Variants in CFAP70 observed in about 807,000 individuals in gnomAD.
CFAP70 encodes cilia- and flagella-associated protein 70.
In CFAP70, 81 loss-of-function variants were observed where a neutral mutation model predicts 137.6. The ratio of observed to expected loss-of-function variants is 0.59; its 90% confidence interval spans 0.49 to 0.71. CFAP70 has a LOEUF of 0.71. Ranked by LOEUF, CFAP70 falls within the 30% of genes least tolerant of loss-of-function variation. The probability of loss-of-function intolerance (pLI) is 0.00; values close to 1 mark genes in which losing one functional copy is unlikely to be tolerated. For synonymous variants in CFAP70, 382 were observed against 423.6 expected (o/e 0.90, Z 1.20); for missense variants, 976 against 1,226.7 (o/e 0.80, Z 3.05).
exon 17 of CFAP70, chr10:73,291,894 T>G (rs1181713984): frequency 6.2e-7 from 1 of 1,614,200 alleles, no homozygotes; most frequent in East Asian, 2.2e-5. Context: ...TGGATATGAC[T>G]CTGGTTGAGG....
chr10:73,256,487 A>C (rs1161990424), intron 25 of CFAP70, 71 bp from the exon 27 acceptor site: 16 of 1,536,348 alleles, frequency 1.0e-5, no homozygotes, highest in Non-Finnish European at 1.3e-5. Flanking sequence ...ACATTGCCTC[A>C]GCTAAGGCAG....
chr10:73,356,338 A>G (rs2054676348), intron 1 of CFAP70, among the ~76,000 whole-genome samples: 1 of 151,832 alleles, frequency 6.6e-6, no homozygotes, highest in Non-Finnish European at 1.5e-5. Flanking sequence ...AGCTGGGACT[A>G]CAGGCATGCG....
At position 73,348,626 on chromosome 10, in the gene CFAP70, AT is replaced by A. The variant is rs1228948929; in HGVS notation, c.251-106del. 92 of 766,628 alleles carry A rather than the reference AT, an allele frequency of 1.2e-4. No individual in the cohort carries two copies. In the African/African-American group the frequency reaches 1.3e-3, roughly 11 times the overall value. The allele number at this position is 766,628 out of a possible 1,614,324, so 47.5% of individuals were successfully genotyped here. ...TCAAAGATATGTAAGTTAAAAAAAA[AT>A]AAACTTGAAAGTACAGAAGGCACCA... On this transcript the variant is annotated intron_variant, in intron 3 of 26. Transcript: ENST00000310715.
intron 8 of CFAP70, among the ~76,000 whole-genome samples, chr10:73,329,698 G>A (rs1483171101): frequency 6.6e-6 from 1 of 152,118 alleles, no homozygotes; most frequent in African/African-American, 2.4e-5. Flanking sequence ...CAGAAGCTAT[G>A]GCTTTTACCT....
At chr10:73,304,273 C>A (rs969709020) in intron 12 of CFAP70, among the ~76,000 whole-genome samples, 1 of 152,066 alleles carries the variant, frequency 6.6e-6, no homozygotes, top group South Asian at 2.1e-4. Context: ...AGGCTGGTGT[C>A]GAACTCCTGA....
At chr10:73,321,666 T>C (rs755825251) in intron 9 of CFAP70, among the ~76,000 whole-genome samples, 13 of 152,188 alleles carry the variant, frequency 8.5e-5, no homozygotes, top group Non-Finnish European at 1.5e-4. Flanking sequence ...TATATGATTT[T>C]AACATTTTTA....
At chr10:73,284,092 A>C (rs1213168180) in intron 19 of CFAP70, among the ~76,000 whole-genome samples, 2 of 152,188 alleles carry the variant, frequency 1.3e-5, no homozygotes, top group Non-Finnish European at 2.9e-5. Flanking sequence ...AATCAGTTTC[A>C]CTGGATTAAG....
intron 25 of CFAP70, among the ~76,000 whole-genome samples, chr10:73,257,401 C>T (rs2044631144): frequency 1.3e-5 from 2 of 152,322 alleles, no homozygotes; most frequent in South Asian, 4.1e-4. Flanking sequence ...GCATGAAGCA[C>T]TCCTCCAGAA....
rs375887063 is a variant in CFAP70 at position 73,275,458 on chromosome 10, C to T, written c.2661G>A (p.Gln887=). The change falls in exon 22 of 27, where the codon CAG becomes CAA. Residue 887 remains glutamine, a synonymous_variant. Coordinates refer to ENST00000310715, the Ensembl canonical transcript of CFAP70. The surrounding 1 kb of genome is among the most constrained non-coding windows in gnomAD (Gnocchi z 4.0). The stretch of plus-strand genomic sequence containing the variant: ...CAAAAGTCATTACCAGGTAGTCCAT[C>T]TGGGCTGCTTGTTGAAGGTATTCCT... 3.7e-6 allele frequency: 6 copies of T among 1,605,166 alleles called. No homozygotes were observed. Among genetic ancestry groups the T allele is most frequent in the African/African-American group, 1.3e-5 (1 of 74,406 alleles).
intron 9 of CFAP70, among the ~76,000 whole-genome samples, chr10:73,321,084 T>A (rs573697395): frequency 6.6e-6 from 1 of 152,234 alleles, no homozygotes; most frequent in African/African-American, 2.4e-5. Flanking sequence ...AAAGTTTTCA[T>A]GAATATGAGA....
chr10:73,348,552 A>G lies in CFAP70; in HGVS notation c.251-31T>C, dbSNP rs772838174. ...AAAATCAAAACAAAGAAAATGAGACATTTAAAACACATCTATCCGATAACC... is the reference window on the plus strand; with the variant it reads ...AAAATCAAAACAAAGAAAATGAGACGTTTAAAACACATCTATCCGATAACC... On this transcript the variant is annotated intron_variant, in intron 3 of 26. Transcript: ENST00000310715. 10 of 1,367,966 alleles carry G rather than the reference A, an allele frequency of 7.3e-6. No homozygotes were observed. In the African/African-American group the frequency reaches 1.3e-4, roughly 18 times the overall value. The allele number at this position is 1,367,966 out of a possible 1,614,324, so 84.7% of individuals were successfully genotyped here.
intron 1 of CFAP70, among the ~76,000 whole-genome samples, chr10:73,355,344 G>C (rs2054585555): frequency 6.6e-6 from 1 of 152,174 alleles, no homozygotes; most frequent in African/African-American, 2.4e-5. Flanking sequence ...TGCATGCAAA[G>C]GATCTAGGTT....
intron 11 of CFAP70, among the ~76,000 whole-genome samples, chr10:73,310,654 C>A (rs1160961242): frequency 6.6e-6 from 1 of 152,236 alleles, no homozygotes; most frequent in African/African-American, 2.4e-5. Flanking sequence ...TCACTACCAT[C>A]TACCAACTCC....
At chr10:73,316,260 T>C (rs2050326043) in intron 9 of CFAP70, among the ~76,000 whole-genome samples, 1 of 151,882 alleles carries the variant, frequency 6.6e-6, no homozygotes, top group Non-Finnish European at 1.5e-5. Flanking sequence ...CTTGATTTTT[T>C]TGTAAATCCA....
chr10:73,274,064 C>A (rs11813724), intron 23 of CFAP70, among the ~76,000 whole-genome samples: 1 of 152,114 alleles, frequency 6.6e-6, no homozygotes, highest in African/African-American at 2.4e-5. Flanking sequence ...TAAATATAAC[C>A]CTTTGTGTTT....
intron 8 of CFAP70, among the ~76,000 whole-genome samples, chr10:73,324,938 C>G (rs2051251249): frequency 6.6e-6 from 1 of 152,056 alleles, no homozygotes; most frequent in African/African-American, 2.4e-5. Flanking sequence ...GAGAACTTCC[C>G]CAATCTAGCA....
chr10:73,340,031 G>A (rs1477549675), intron 6 of CFAP70, among the ~76,000 whole-genome samples: 1 of 152,218 alleles, frequency 6.6e-6, no homozygotes, highest in Non-Finnish European at 1.5e-5. Flanking sequence ...AGCGGAGGGT[G>A]AGCAAAGCAA....
chr10:73,277,213 T>G lies in CFAP70; in HGVS notation c.2520+27A>C, dbSNP rs1237207745. The stretch of plus-strand genomic sequence containing the variant: ...AAGAGTTTGCTAAAATCTTTCCATC[T>G]ACTTGCCCTTTTCCAAATACTCTGA... On this transcript the variant is annotated intron_variant, in intron 21 of 26. Transcript: ENST00000310715. 1.9e-6 allele frequency: 3 copies of G among 1,596,406 alleles called. No individual in the cohort carries two copies. In the South Asian group the frequency reaches 3.4e-5, roughly 18 times the overall value.
chr10:73,312,614 A>G (rs1448617371), exon 10 of CFAP70: 2 of 1,599,144 alleles, frequency 1.3e-6, no homozygotes, highest in Non-Finnish European at 1.7e-6. Context: ...GATGGCCAAT[A>G]TCCCGGAACA....
Sources: gnomAD v4.1 joint callset for allele counts (sites outside exome capture counted in the v4.1 genomes callset) on GRCh38, gnomAD v4.1.1 for gene constraint, Gnocchi (gnomAD v3.1) non-coding constraint, MANE v1.5 for transcripts, NCBI Gene and HGNC (gene_info 2026-07-23, HGNC 2026-07-21) for gene names.